Variants in LRRC7 observed in about 807,000 individuals in gnomAD.
LRRC7 encodes the protein leucine rich repeat containing 7.
A neutral mutation model predicts 175.7 loss-of-function variants in LRRC7; 23 were observed. The ratio of observed to expected loss-of-function variants is 0.13; its 90% CI spans 0.09 to 0.19. The LOEUF (loss-of-function observed/expected upper bound fraction) is 0.19. LRRC7 is among the 10% of genes least tolerant of loss of function. LRRC7 has a pLI of 1.00. For synonymous variants in LRRC7, 685 were observed against 680.9 expected, an observed-to-expected ratio of 1.01 and a Z score of -0.09; for missense variants, 1,354 against 1,904.7, an observed-to-expected ratio of 0.71 and a Z score of 5.38.
intron 8 of LRRC7, among the ~76,000 whole-genome samples, chr1:69,979,679 T>G (rs1557952593): frequency 6.6e-6 from 1 of 152,036 alleles, no homozygotes; most frequent in Non-Finnish European, 1.5e-5. Context: ...GTAGTAGGCA[T>G]CCCCAACTAT....
intron 25 of LRRC7, among the ~76,000 whole-genome samples, chr1:70,099,501 C>T (rs1048906012): frequency 2.6e-4 from 40 of 151,022 alleles, no homozygotes; most frequent in Non-Finnish European, 2.1e-4. Flanking sequence ...GAAATAAAGG[C>T]TATTCAATTA....
chr1:70,018,949 A>C, intron 15 of LRRC7, 131 bp downstream of exon 15: 1 of 590,174 alleles, frequency 1.7e-6, no homozygotes, highest in African/African-American at 1.9e-5. Flanking sequence ...TGACACACAA[A>C]TATCATTTGG....
chr1:69,930,370 G>A (rs1354936887), intron 7 of LRRC7, among the ~76,000 whole-genome samples: 2 of 152,062 alleles, frequency 1.3e-5, no homozygotes, highest in Admixed American at 6.5e-5. Flanking sequence ...GCCCTATAAG[G>A]TAATTTCTAC....
At chr1:69,575,057 A>G (rs1302732286) in intron 1 of LRRC7, among the ~76,000 whole-genome samples, 1 of 152,162 alleles carries the variant, frequency 6.6e-6, no homozygotes, top group Non-Finnish European at 1.5e-5. Flanking sequence ...ACACACAAAC[A>G]TAGCTGTAAT....
intron 7 of LRRC7, among the ~76,000 whole-genome samples, chr1:69,858,327 C>A (rs989751666): frequency 1.3e-5 from 2 of 152,096 alleles, no homozygotes; most frequent in Non-Finnish European, 2.9e-5. Context: ...AACAGACAAC[C>A]TACAGAATGG....
chr1:70,052,210 C>T (rs192688541), intron 22 of LRRC7, among the ~76,000 whole-genome samples: 6 of 152,066 alleles, frequency 3.9e-5, no homozygotes, highest in African/African-American at 1.4e-4. Flanking sequence ...TTGTACATCC[C>T]TCCACTGGAG....
intron 1 of LRRC7, among the ~76,000 whole-genome samples, chr1:69,573,107 T>G (rs944015360): frequency 6.6e-6 from 1 of 152,048 alleles, no homozygotes; most frequent in Non-Finnish European, 1.5e-5. Flanking sequence ...CTACCATGAG[T>G]CATGTGCTTT....
chr1:69,753,492 C>T (rs1020967830), intron 2 of LRRC7, among the ~76,000 whole-genome samples: 3 of 151,930 alleles, frequency 2.0e-5, no homozygotes, highest in Non-Finnish European at 4.4e-5. Context: ...TGACCCTATG[C>T]ACATCATAGA....
At chr1:70,059,474 AGTGTGTGTGTGTGT>A (rs10542055) in intron 23 of LRRC7, among the ~76,000 whole-genome samples, 58 of 132,290 alleles carry the variant, frequency 4.4e-4, no homozygotes, top group African/African-American at 1.3e-3. Context: ...ACTAGAAGAA[AGTGTGTGTGTGTGT>A]GTGTGTGTGT....
chr1:70,059,235 G>A (rs951801640), intron 23 of LRRC7, among the ~76,000 whole-genome samples: 2 of 152,134 alleles, frequency 1.3e-5, no homozygotes, highest in African/African-American at 2.4e-5. Context: ...ATAATGACTT[G>A]GCAGTTGGAG....
intron 11 of LRRC7, among the ~76,000 whole-genome samples, chr1:70,011,400 T>C (rs1052112330): frequency 2.0e-5 from 3 of 152,138 alleles, no homozygotes; most frequent in African/African-American, 7.2e-5. Context: ...TGTTTTGTTT[T>C]TATTGTTTCT....
At chr1:69,789,714 A>G (rs182808473) in intron 3 of LRRC7, among the ~76,000 whole-genome samples, 3 of 152,100 alleles carry the variant, frequency 2.0e-5, no homozygotes, top group East Asian at 1.9e-4. Context: ...ATATTTCTTC[A>G]GTATGTACTA....
chr1:69,859,725 C>T (rs1393697895), intron 7 of LRRC7, among the ~76,000 whole-genome samples: 1 of 151,762 alleles, frequency 6.6e-6, no homozygotes. Context: ...TTGTTAAGAG[C>T]TAACAAAGTT....
chr1:69,971,147 A>G (rs529001569), intron 8 of LRRC7, among the ~76,000 whole-genome samples: 1 of 152,322 alleles, frequency 6.6e-6, no homozygotes, highest in East Asian at 1.9e-4. Flanking sequence ...AAAACCATCT[A>G]TAACAAATCC....
chr1:69,820,900 T>C (rs1679215097), intron 4 of LRRC7, among the ~76,000 whole-genome samples: 1 of 152,198 alleles, frequency 6.6e-6, no homozygotes, highest in African/African-American at 2.4e-5. Flanking sequence ...CTGGGTCAAA[T>C]AGTATTTCTA....
intron 10 of LRRC7, among the ~76,000 whole-genome samples, chr1:69,987,238 C>G (rs965248039): frequency 6.6e-6 from 1 of 151,800 alleles, no homozygotes; most frequent in African/African-American, 2.4e-5. Flanking sequence ...GAGGGAGACT[C>G]CGTCTCAAAA....
chr1:70,001,263 T>G (rs1655494402), intron 11 of LRRC7, among the ~76,000 whole-genome samples: 1 of 152,200 alleles, frequency 6.6e-6, no homozygotes, highest in African/African-American at 2.4e-5. Flanking sequence ...CAAACATTAA[T>G]GATGTTTGTA....
intron 7 of LRRC7, among the ~76,000 whole-genome samples, chr1:69,929,265 A>G (rs569706399): frequency 6.6e-6 from 1 of 152,176 alleles, no homozygotes; most frequent in African/African-American, 2.4e-5. Context: ...TGTCTTTCCT[A>G]GACTCTTTTC....
chr1:69,782,381 A>G (rs1379557188), intron 3 of LRRC7, among the ~76,000 whole-genome samples: 3 of 152,260 alleles, frequency 2.0e-5, no homozygotes, highest in Non-Finnish European at 4.4e-5. Flanking sequence ...AACCGTACAG[A>G]ACACTACAAA....
Sources: allele counts gnomAD v4.1 joint callset (sites outside exome capture counted in the v4.1 genomes callset), GRCh38; gene constraint gnomAD v4.1.1; transcripts MANE v1.5; gene names NCBI Gene and HGNC (gene_info 2026-07-23, HGNC 2026-07-21).